SHOX: variants seen among roughly 807,000 people sequenced by gnomAD.
SHOX encodes SHOX homeobox.
SHOX carries 12 observed loss-of-function variants against 29.6 expected under a neutral mutation model. The observed-to-expected ratio is 0.41, with a 90% CI of 0.26 to 0.66. The LOEUF (loss-of-function observed/expected upper bound fraction) is 0.66. Among genes scored for constraint, SHOX ranks in the 30% least tolerant of loss-of-function variants. The pLI is 0.35. For synonymous variants in SHOX, 214 were observed against 200.6 expected (o/e 1.07, Z -0.57); for missense variants, 499 against 437.7 (o/e 1.14, Z -1.25).
rs921171707 is a variant in SHOX at position 625,590 on chromosome X, TTCTC to T, written c.-433+995_-433+998del. Among the ~76,000 whole-genome samples, 356 of 150,318 alleles carry T rather than the reference TTCTC, an allele frequency of 2.4e-3. 6 individuals are homozygous for T. The highest frequency in any genetic ancestry group is 6.9e-3 in the African/African-American group (280 of 40,514). ...TATCTCTGTCCATCTCTGTCTCTCT[TTCTC>T]TCTCTCCTCTCTCTCTTTTTCTCTG... On this transcript the variant is annotated intron_variant, in intron 1 of 5. Coordinates refer to the SHOX transcript ENST00000334060.
At position 634,124 on chromosome X, in the gene SHOX, C is replaced by A. The variant is rs1237580462; in HGVS notation, c.278-494C>A. 4.6e-5 allele frequency among the ~76,000 whole-genome samples: 7 copies of A among 152,274 alleles called. No homozygotes were observed. In the South Asian group the frequency reaches 1.2e-3, roughly 27 times the overall value. On this transcript the variant is annotated intron_variant, in intron 1 of 4. Transcript: ENST00000686671. ...AGAAACAGGCTTCGGGTAGGGGCTC[C>A]TAGCTCCGCCAGATCGCGGAGGGAC...
chrX:644,912 C>A lies in SHOX; in HGVS notation c.*276C>A. 2.3e-6 allele frequency: 1 copy of A among 438,604 alleles called. No individual in the cohort carries two copies. Among genetic ancestry groups the A allele is most frequent in the Admixed American group, 4.7e-5 (1 of 21,224 alleles). The allele number at this position is 438,604 out of a possible 1,614,324, so 27.2% of individuals were successfully genotyped here. ...CAAGGCTGCCCGTGCGTCCTGGGAC[C>A]CTGGAGAAGGGTAAACCCCCGCCTG... On this transcript the variant is annotated 3_prime_UTR_variant, in exon 5 of 5. Transcript: ENST00000686671.
At chrX:641,725 C>T (rs1232669993) in intron 4 of SHOX, among the ~76,000 whole-genome samples, 3 of 150,592 alleles carry the variant, frequency 2.0e-5, no homozygotes, top group Non-Finnish European at 4.4e-5. Flanking sequence ...TAAAAATCCA[C>T]TTTTGGGAAG....
intron 4 of SHOX, among the ~76,000 whole-genome samples, chrX:642,209 G>A (rs2052866571): frequency 6.6e-6 from 1 of 152,088 alleles, no homozygotes; most frequent in Admixed American, 6.5e-5. Context: ...CGCCCTGCCT[G>A]AACGCGCAGC....
Position 649,837 on chromosome X carries a change from C to T in SHOX, c.*5201C>T, listed in dbSNP as rs193119178. 95 of 450,426 alleles carry T rather than the reference C, an allele frequency of 2.1e-4. 1 individual carries two copies. The highest frequency in any genetic ancestry group is 1.2e-3 in the African/African-American group (62 of 49,982). The allele number at this position is 450,426 out of a possible 1,614,324, so 27.9% of individuals were successfully genotyped here. ...TAGTCCGTGGAGGGTTGTCAGTCGC[C>T]GCAGTTGAGCAAAAAACACTTCTTC... is the stretch of plus-strand genomic sequence containing the variant. On this transcript the variant is annotated 3_prime_UTR_variant, in exon 5 of 5. Transcript: ENST00000686671.
intron 2 of SHOX, among the ~76,000 whole-genome samples, chrX:637,703 G>A (rs2052782667): frequency 6.6e-6 from 1 of 152,166 alleles, no homozygotes; most frequent in Non-Finnish European, 1.5e-5. Flanking sequence ...CACGTCCCGC[G>A]TTGAGGGGAC....
At chrX:641,943 C>T (rs2052860502) in intron 4 of SHOX, among the ~76,000 whole-genome samples, 1 of 152,142 alleles carries the variant, frequency 6.6e-6, no homozygotes, top group Non-Finnish European at 1.5e-5. Context: ...TGGCCCCTGG[C>T]CCCTGGCTTG....
intron 4 of SHOX, among the ~76,000 whole-genome samples, chrX:642,063 C>T (rs1258012322): frequency 6.6e-6 from 1 of 152,200 alleles, no homozygotes; most frequent in African/African-American, 2.4e-5. Flanking sequence ...AGTCGGGGTT[C>T]GGTCGCGGAG....
intron 1 of SHOX, chrX:624,701 T>TTTTCTTTCTTTTC (rs1556451346): frequency 1.9e-4 from 20 of 105,372 alleles, no homozygotes; most frequent in African/African-American, 6.9e-4. Flanking sequence ...TTCCTCTTTC[T>TTTTCTTTCTTTTC]TTTCTTTCTT....
rs1219133277 is a variant in SHOX, at chrX:644,679, C to T, written c.*43C>T. 2 of 1,394,158 alleles carry T rather than the reference C, an allele frequency of 1.4e-6. No individual in the cohort carries two copies. The highest frequency in any genetic ancestry group is 1.8e-6 in the Non-Finnish European group (2 of 1,085,884). 86.4% of individuals were successfully genotyped at this position (1,394,158 alleles called of 1,614,324 possible). A position where few individuals can be genotyped will look rare whatever the true frequency, so the allele number is the denominator to read the frequency against. On this transcript the variant is annotated 3_prime_UTR_variant, in exon 5 of 5. Transcript: ENST00000686671. ...CGCGCGCCCGGACTCCCGGGCTCCG[C>T]GCACCCCGCCTGCACCGCGCGTCCT... is the stretch of plus-strand genomic sequence containing the variant.
chrX:636,970 A>ATATATATATATATATATTTTT (rs1458275715), intron 2 of SHOX, among the ~76,000 whole-genome samples: 1 of 137,344 alleles, frequency 7.3e-6, no homozygotes, highest in Admixed American at 7.6e-5. Flanking sequence ...ATATATATAT[A>ATATATATATATATATATTTTT]TTTTGGCTCC....
chrX:638,519 G>C (rs779952418), intron 2 of SHOX, among the ~76,000 whole-genome samples: 27 of 152,248 alleles, frequency 1.8e-4, no homozygotes, highest in African/African-American at 6.5e-4. Context: ...CACCAGGCAG[G>C]GGCCTTTTTG....
intron 2 of SHOX, among the ~76,000 whole-genome samples, chrX:636,059 G>C (rs774691612): frequency 1.8e-3 from 267 of 151,856 alleles, no homozygotes; most frequent in African/African-American, 5.3e-3. Context: ...GCTTGCTCTC[G>C]ATTTTGCTGA....
At chrX:625,882 CT>C (rs2052522560), upstream of SHOX, among the ~76,000 whole-genome samples, 5 of 132,852 alleles carry the variant, frequency 3.8e-5, no homozygotes, top group Admixed American at 3.2e-4. Flanking sequence ...CTCTCTTTCT[CT>C]CTCTCCTCTC....
intron 4 of SHOX, among the ~76,000 whole-genome samples, chrX:641,414 TGTG>T (rs1238667485): frequency 6.6e-6 from 1 of 151,496 alleles, no homozygotes; most frequent in Non-Finnish European, 1.5e-5. Context: ...ACAAAATGGG[TGTG>T]GTGGCTCACG....
intron 2 of SHOX, among the ~76,000 whole-genome samples, chrX:637,620 G>A (rs1286266552): frequency 6.6e-6 from 1 of 152,034 alleles, no homozygotes; most frequent in Non-Finnish European, 1.5e-5. Context: ...CTCCATCGCC[G>A]CGGGGGGAAA....
rs974875169 is a variant in SHOX, at chrX:634,892, C to T, written c.486+66C>T. ...GCCTGGTCCTCGGGAGCGCACAGCA[C>T]GCGTACAGCCACCTGCGCCCGGGCC... On this transcript the variant is annotated intron_variant, in intron 2 of 4. Transcript: ENST00000686671. The T allele has an allele frequency of 6.7e-6, 10 of 1,489,992 alleles. No individual in the cohort carries two copies. In the Admixed American group the frequency reaches 8.2e-5, roughly 12 times the overall value. The allele number at this position is 1,489,992 out of a possible 1,614,324, so 92.3% of individuals were successfully genotyped here.
At chrX:625,355 G>T (rs969556075) in intron 1 of SHOX, among the ~76,000 whole-genome samples, 2 of 150,128 alleles carry the variant, frequency 1.3e-5, no homozygotes, top group Non-Finnish European at 3.0e-5. Context: ...TGATTCTTTT[G>T]GGACGCTTGG....
chrX:639,298 T>C (rs1035933491), intron 2 of SHOX, among the ~76,000 whole-genome samples: 1 of 152,152 alleles, frequency 6.6e-6, no homozygotes, highest in African/African-American at 2.4e-5. Flanking sequence ...TCATGACCCT[T>C]GGTCATGAAT....
Sources: gnomAD v4.1 joint callset for allele counts (sites outside exome capture counted in the v4.1 genomes callset) on GRCh38, gnomAD v4.1.1 for gene constraint, MANE v1.5 for transcripts, NCBI Gene and HGNC (gene_info 2026-07-23, HGNC 2026-07-21) for gene names.